Variants in GOLM2 observed in about 807,000 individuals in gnomAD.
GOLM2 encodes protein GOLM2.
A neutral mutation model predicts 55.9 loss-of-function variants in GOLM2; 26 were observed. The observed-to-expected ratio is 0.47, with a 90% CI of 0.34 to 0.65. The LOEUF is 0.65. Among genes scored for constraint, GOLM2 ranks in the 30% least tolerant of loss-of-function variants. The probability of loss-of-function intolerance (pLI) is 0.01; values close to 1 mark genes in which losing one functional copy is unlikely to be tolerated. For missense variants in GOLM2, 486 were observed against 531.8 expected, an observed-to-expected ratio of 0.91 and a Z score of 0.85; for synonymous variants, 165 against 194.6, an observed-to-expected ratio of 0.85 and a Z score of 1.27.
intron 8 of GOLM2, among the ~76,000 whole-genome samples, chr15:44,386,811 T>C (rs2079448048): frequency 6.7e-6 from 1 of 149,610 alleles, no homozygotes; most frequent in African/African-American, 2.5e-5. Context: ...TTCAAGGTTA[T>C]GGTGAGCTAT....
intron 4 of GOLM2, among the ~76,000 whole-genome samples, chr15:44,335,999 G>C (rs2141144723): frequency 6.6e-6 from 1 of 151,716 alleles, no homozygotes; most frequent in South Asian, 2.1e-4. Flanking sequence ...ATTTTTAGTA[G>C]AGACGGGGTT....
At chr15:44,401,153 G>A (rs1156402837) in intron 8 of GOLM2, among the ~76,000 whole-genome samples, 2 of 151,932 alleles carry the variant, frequency 1.3e-5, no homozygotes, top group African/African-American at 2.4e-5. Context: ...TTGCTGTTGC[G>A]TAGGCTGGGG....
intron 6 of GOLM2, among the ~76,000 whole-genome samples, chr15:44,369,971 G>A (rs2079319437): frequency 6.6e-6 from 1 of 152,180 alleles, no homozygotes; most frequent in South Asian, 2.1e-4. Context: ...AGGAGAGCCA[G>A]TCCAAGTCTC....
rs1177023363 is a variant in GOLM2, at chr15:44,413,796, T to C, written c.*390T>C. 2 of 155,456 alleles carry C rather than the reference T, an allele frequency of 1.3e-5. No homozygotes were observed. The highest frequency in any genetic ancestry group is 3.7e-4 in the East Asian group (2 of 5,396). 9.6% of individuals were successfully genotyped at this position (155,456 alleles called of 1,614,324 possible). On this transcript the variant is annotated 3_prime_UTR_variant, in exon 10 of 10. Coordinates refer to ENST00000299957, the MANE Select transcript of GOLM2 (RefSeq NM_138423.4). ...AGAACAGATATTCAGCAGAAAACTT[T>C]TTATACTCTAATTCTTTTTTTTTTT... is the stretch of plus-strand genomic sequence containing the variant.
chr15:44,377,434 G>A (rs1046609880), intron 6 of GOLM2, among the ~76,000 whole-genome samples: 1 of 152,114 alleles, frequency 6.6e-6, no homozygotes, highest in Admixed American at 6.6e-5. Flanking sequence ...GCAGTGCCGC[G>A]GCCTTGGCTC....
intron 1 of GOLM2, among the ~76,000 whole-genome samples, chr15:44,292,197 A>T (rs992179971): frequency 4.4e-5 from 6 of 137,562 alleles, no homozygotes; most frequent in African/African-American, 1.9e-4. Context: ...ATATATATAT[A>T]TATATTTTTT....
intron 1 of GOLM2, among the ~76,000 whole-genome samples, chr15:44,297,842 A>G (rs2078768082): frequency 6.9e-6 from 1 of 143,970 alleles, no homozygotes; most frequent in Non-Finnish European, 1.5e-5. Context: ...TGTTGGGATT[A>G]CAGGTGTGAG....
intron 1 of GOLM2, among the ~76,000 whole-genome samples, chr15:44,302,754 G>C (rs1479793478): frequency 1.3e-5 from 2 of 152,134 alleles, no homozygotes; most frequent in African/African-American, 4.8e-5. Flanking sequence ...GCCTCCCAAA[G>C]TGTTGGGATT....
At chr15:44,314,287 G>A (rs1354477685) in intron 1 of GOLM2, among the ~76,000 whole-genome samples, 2 of 151,622 alleles carry the variant, frequency 1.3e-5, no homozygotes, top group African/African-American at 2.4e-5. Flanking sequence ...GGCCGGGTGC[G>A]GTGGCTCACA....
At chr15:44,293,884 C>A (rs1802242682) in intron 1 of GOLM2, among the ~76,000 whole-genome samples, 1 of 152,198 alleles carries the variant, frequency 6.6e-6, no homozygotes, top group Admixed American at 6.5e-5. Context: ...AGAGTATCAA[C>A]ATAAACTATA....
chr15:44,395,338 G>C (rs978040587), intron 8 of GOLM2, among the ~76,000 whole-genome samples: 4 of 151,818 alleles, frequency 2.6e-5, no homozygotes, highest in African/African-American at 9.7e-5. Flanking sequence ...TAAAATAGTT[G>C]AGAAATTGAA....
At chr15:44,360,098 A>C (rs1240397782) in intron 6 of GOLM2, among the ~76,000 whole-genome samples, 1 of 152,234 alleles carries the variant, frequency 6.6e-6, no homozygotes, top group Non-Finnish European at 1.5e-5. Flanking sequence ...CTGCAAAATC[A>C]TGCCAAAATG....
intron 8 of GOLM2, among the ~76,000 whole-genome samples, chr15:44,395,517 G>A (rs966581786): frequency 1.3e-5 from 2 of 149,562 alleles, no homozygotes; most frequent in African/African-American, 2.5e-5. Context: ...TTTTTTGAAC[G>A]TGTTTCTATT....
chr15:44,329,382 G>A (rs926821631), intron 3 of GOLM2, among the ~76,000 whole-genome samples: 3 of 152,136 alleles, frequency 2.0e-5, no homozygotes, highest in Admixed American at 6.5e-5. Flanking sequence ...AAAGCATTTT[G>A]TGTCCATTTC....
At chr15:44,337,641 A>G (rs1222555576) in intron 4 of GOLM2, 122 bp from the exon 5 acceptor site, 2 of 659,382 alleles carry the variant, frequency 3.0e-6, no homozygotes, top group Non-Finnish European at 4.9e-6. Flanking sequence ...CCAATTGTTC[A>G]TTATTTGAAC....
At chr15:44,315,213 A>G (rs141014162) in intron 1 of GOLM2, among the ~76,000 whole-genome samples, 26 of 152,344 alleles carry the variant, frequency 1.7e-4, no homozygotes, top group African/African-American at 6.3e-4. Context: ...TGTCTCTAGA[A>G]ATCATCTGAG....
chr15:44,388,203 G>A (rs2079461034), intron 8 of GOLM2, among the ~76,000 whole-genome samples: 1 of 149,530 alleles, frequency 6.7e-6, no homozygotes, highest in African/African-American at 2.5e-5. Context: ...GAACCTGGGA[G>A]GCGGAGGTTG....
chr15:44,360,908 A>G (rs2079233049), intron 6 of GOLM2, among the ~76,000 whole-genome samples: 1 of 152,038 alleles, frequency 6.6e-6, no homozygotes. Context: ...CTCACTCAAA[A>G]CCGCTCAACT....
intron 1 of GOLM2, among the ~76,000 whole-genome samples, chr15:44,316,673 T>G (rs1321080825): frequency 6.7e-6 from 1 of 150,346 alleles, no homozygotes; most frequent in Non-Finnish European, 1.5e-5. Context: ...GAGAATGGCA[T>G]GAACCCGGGA....
Sources: gnomAD v4.1 joint callset for allele counts (sites outside exome capture counted in the v4.1 genomes callset) on GRCh38, gnomAD v4.1.1 for gene constraint, MANE v1.5 for transcripts, NCBI Gene and HGNC (gene_info 2026-07-23, HGNC 2026-07-21) for gene names.